MAP3K19: variants seen among roughly 807,000 people sequenced by gnomAD.
MAP3K19 encodes the protein SPS1/STE20-related protein kinase YSK4.
Under a neutral mutation model 114.4 loss-of-function variants are expected in MAP3K19, and 91 were observed. The observed-to-expected ratio is 0.80, with a 90% CI of 0.67 to 0.95. The LOEUF (loss-of-function observed/expected upper bound fraction) is 0.95, where lower values mean the gene tolerates loss of function less well. MAP3K19 is among the 40% of genes least tolerant of loss of function. The probability of loss-of-function intolerance (pLI) is 0.00; values close to 1 mark genes in which losing one functional copy is unlikely to be tolerated. For missense variants in MAP3K19, 1,471 were observed against 1,573.2 expected, an observed-to-expected ratio of 0.94 and a Z score of 1.10; for synonymous variants, 518 against 530.5, an observed-to-expected ratio of 0.98 and a Z score of 0.32.
chr2:135,035,829 T>G (rs901973920), intron 2 of MAP3K19, among the ~76,000 whole-genome samples: 5 of 152,150 alleles, frequency 3.3e-5, no homozygotes, highest in Non-Finnish European at 7.3e-5. Context: ...ACTTCAAAAA[T>G]GCAAGATTTT....
rs192425055 is a variant in MAP3K19 at position 135,025,683 on chromosome 2, G to A, written c.-94-942C>T. Among the ~76,000 whole-genome samples the A allele has an allele frequency of 8.6e-5, 13 of 152,000 alleles. 1 individual carries two copies. The East Asian group carries it at 2.5e-3, about 30-fold the overall frequency. On this transcript the variant is annotated intron_variant, in intron 3 of 12. Transcript: ENST00000392915. ...TTACAGGCGTGAGCCACCGCGCCCA[G>A]CCCCCACATGGCCTTTTCATTCCTC...
chr2:135,030,203 G>A (rs1280985510), intron 3 of MAP3K19, 109 bp downstream of exon 3: 1 of 152,154 alleles, frequency 6.6e-6, no homozygotes. Context: ...AAACTTCCTA[G>A]GATTATATTT....
rs575044627 is a variant in MAP3K19 at position 134,968,109 on chromosome 2, G to T, written c.3921-3193C>A. ...GCATCTGTTCAACAAAGCACATCTT[G>T]CACCGCCCCTAATCCATTTAACCCT... On this transcript the variant is annotated intron_variant, in intron 12 of 12. Coordinates refer to ENST00000392915, the MANE Select transcript of MAP3K19 (RefSeq NM_025052.5). Among the ~76,000 whole-genome samples, 233 of 152,216 alleles carry T rather than the reference G, an allele frequency of 1.5e-3. 1 individual carries two copies. The highest frequency in any genetic ancestry group is 2.4e-4 in the Non-Finnish European group (16 of 68,000).
intron 12 of MAP3K19, 127 bp from the exon 13 acceptor site, chr2:134,965,043 G>A: frequency 1.5e-6 from 1 of 652,090 alleles, no homozygotes; most frequent in Admixed American, 2.8e-5. Context: ...CTTGGGTTGA[G>A]TCCAGTCTCC....
At chr2:135,008,311 C>A (rs546347342) in intron 5 of MAP3K19, among the ~76,000 whole-genome samples, 2 of 152,168 alleles carry the variant, frequency 1.3e-5, no homozygotes, top group African/African-American at 4.8e-5. Flanking sequence ...TTAGTAGAGA[C>A]GAGGTTTCAC....
intron 3 of MAP3K19, among the ~76,000 whole-genome samples, chr2:135,027,911 G>C (rs1443644606): frequency 1.3e-5 from 2 of 152,222 alleles, no homozygotes; most frequent in Non-Finnish European, 2.9e-5. Context: ...TAACTTCCCT[G>C]ACAGGTTGTA....
chr2:135,015,537 T>C (rs1687525269), intron 5 of MAP3K19, among the ~76,000 whole-genome samples: 1 of 152,206 alleles, frequency 6.6e-6, no homozygotes, highest in Non-Finnish European at 1.5e-5. Context: ...ATGCTTCATT[T>C]AATATAGCCC....
In MAP3K19 at chr2:134,986,971, G is replaced by A. The variant is rs200710231; in HGVS notation, c.1901C>T (p.Pro634Leu). The A allele has an allele frequency of 7.9e-5, 128 of 1,613,360 alleles. No homozygotes were observed. In the East Asian group the frequency reaches 1.5e-3, roughly 19 times the overall value. Residue 634 changes from proline (P) to leucine (L), a missense_variant, in exon 10 of 13, where the codon CCG becomes CTG. Pro to Leu is a moderately conservative substitution (Grantham distance 98). Transcript: ENST00000392915. ...QKSCVPLSVQ[P>L]TEPRLNYLDL... Reference sequence around the variant, plus strand: ...TAGGTAATTTAGTCTTGGCTCTGTCGGTTGAACAGAGAGAGGAACACATGA... The same window carrying A: ...TAGGTAATTTAGTCTTGGCTCTGTCAGTTGAACAGAGAGAGGAACACATGA...
At chr2:135,021,667 A>G in intron 5 of MAP3K19, 48 bp downstream of exon 5, 1 of 985,040 alleles carries the variant, frequency 1.0e-6, no homozygotes, top group Non-Finnish European at 1.6e-6. Flanking sequence ...CAAATAAAGT[A>G]GTAGATGGAG....
chr2:134,990,721 C>G (rs1408709925), intron 9 of MAP3K19, among the ~76,000 whole-genome samples: 1 of 152,076 alleles, frequency 6.6e-6, no homozygotes, highest in Non-Finnish European at 1.5e-5. Flanking sequence ...GTGAACCACC[C>G]GCCTTGGCCT....
At chr2:135,039,178 G>T (rs1251654932) in intron 2 of MAP3K19, among the ~76,000 whole-genome samples, 4 of 143,674 alleles carry the variant, frequency 2.8e-5, no homozygotes, top group African/African-American at 1.0e-4. Context: ...TGTTTAAAAA[G>T]CATTCATGGA....
chr2:135,008,057 T>C (rs977745647), intron 5 of MAP3K19, among the ~76,000 whole-genome samples: 3 of 152,134 alleles, frequency 2.0e-5, no homozygotes, highest in African/African-American at 4.8e-5. Context: ...ACTAAGTAAG[T>C]GTCATTTTAA....
rs1466722800 is a variant in MAP3K19 at position 134,980,899 on chromosome 2, G to T, written c.3842C>A (p.Ala1281Glu). The T allele has an allele frequency of 8.1e-6, 13 of 1,614,094 alleles. No individual in the cohort carries two copies. Among genetic ancestry groups the T allele is most frequent in the Non-Finnish European group, 9.3e-6 (11 of 1,180,042 alleles). The stretch of plus-strand genomic sequence containing the variant: ...TAAAGGAGGCATCAGCCCTCGGTGT[G>T]CTCCGATGTAAAACATGGCGGCCAT... The part of the protein sequence containing the change: ...DRMAAMFYIG[A>E]HRGLMPPLPD... Residue 1281 changes from alanine to glutamate, a missense_variant, in exon 12 of 13, where the codon GCA (alanine) becomes GAA (glutamate). Transcript: ENST00000392915.
intron 6 of MAP3K19, among the ~76,000 whole-genome samples, chr2:135,000,663 T>A (rs1341907519): frequency 6.6e-6 from 1 of 152,182 alleles, no homozygotes; most frequent in Non-Finnish European, 1.5e-5. Flanking sequence ...AAGATGCAGC[T>A]GAGGCCCTAG....
intron 3 of MAP3K19, among the ~76,000 whole-genome samples, chr2:135,027,166 G>T (rs1688275128): frequency 1.3e-5 from 2 of 151,882 alleles, no homozygotes; most frequent in Admixed American, 6.6e-5. Flanking sequence ...GATCCATGGA[G>T]CCCAGGAGTT....
At position 135,030,407 on chromosome 2, in the gene MAP3K19, T is replaced by C. The variant is rs1177180009; in HGVS notation, c.-190A>G. On this transcript the variant is annotated 5_prime_UTR_variant, in exon 3 of 13. Transcript: ENST00000392915. ...ATTCTATTGACTGCCAAGAGTTGTC[T>C]TTGGATATTGCAATTAGCTACATGA... 6.6e-6 allele frequency: 1 copy of C among 152,634 alleles called. No homozygotes were observed. The highest frequency in any genetic ancestry group is 1.9e-4 in the East Asian group (1 of 5,206). The allele number at this position is 152,634 out of a possible 1,614,324, so 9.5% of individuals were successfully genotyped here. A position where few individuals can be genotyped will look rare whatever the true frequency, so the allele number is the denominator to read the frequency against.
rs566310382 is a variant in MAP3K19 at position 134,968,447 on chromosome 2, C to T, written c.3921-3531G>A. ...CCCAGTAGGGGCGGCCGGGCAGAGG[C>T]GCCCCTCACCTCCCGGATGGGGTGG... On this transcript the variant is annotated intron_variant, in intron 12 of 12. Coordinates refer to ENST00000392915, the MANE Select transcript of MAP3K19 (RefSeq NM_025052.5). 1.1e-3 allele frequency among the ~76,000 whole-genome samples: 156 copies of T among 148,340 alleles called. 2 individuals are homozygous for T. Among genetic ancestry groups the T allele is most frequent in the African/African-American group, 3.8e-3 (151 of 39,434 alleles).
rs750489492 is a variant in MAP3K19, at chr2:134,986,593, T to C, written c.2279A>G (p.Asp760Gly). Residue 760 changes from aspartate (D) to glycine (G), a missense_variant, in exon 10 of 13, where the codon GAT becomes GGT. Physicochemically the swap from Asp to Gly is moderately conservative, Grantham distance 94 (BLOSUM62 -1). Transcript: ENST00000392915. ...CTGCCAGTCTGGTTCTGAAATACCA[T>C]CACCATTTTCAATGTCATGTAGGTT... ...HSNLHDIENG[D>G]GISEPDWQIK... 1.9e-6 allele frequency: 3 copies of C among 1,614,222 alleles called. No homozygotes were observed. Among genetic ancestry groups the C allele is most frequent in the Non-Finnish European group, 2.5e-6 (3 of 1,180,032 alleles).
chr2:135,010,546 C>T (rs866175966), intron 5 of MAP3K19, among the ~76,000 whole-genome samples: 35 of 152,280 alleles, frequency 2.3e-4, no homozygotes, highest in African/African-American at 7.0e-4. Context: ...AATAGAGCAT[C>T]GCATTCTAGC....
Sources: gnomAD v4.1 joint callset for allele counts (sites outside exome capture counted in the v4.1 genomes callset) on GRCh38, gnomAD v4.1.1 for gene constraint, MANE v1.5 for transcripts, NCBI Gene and HGNC (gene_info 2026-07-23, HGNC 2026-07-21) for gene names.